The following PCDHA3 variants were observed in gnomAD, a reference collection of about 807,000 sequenced individuals.
PCDHA3 encodes the protein protocadherin alpha 3.
In PCDHA3, 41 loss-of-function variants were observed where a neutral mutation model predicts 62.2. The ratio of observed to expected loss-of-function variants is 0.66; its 90% CI spans 0.51 to 0.86. The LOEUF (loss-of-function observed/expected upper bound fraction) is 0.86. Among genes scored for constraint, PCDHA3 ranks in the 40% least tolerant of loss-of-function variants. The pLI, the probability that PCDHA3 is intolerant of heterozygous loss-of-function variation, is 0.00. For missense variants in PCDHA3, 1,304 were observed against 1,241.2 expected (o/e 1.05, Z -0.76); for synonymous variants, 640 against 555.4 (o/e 1.15, Z -2.14).
chr5:140,968,046 T>A (rs1554230254), intron 1 of PCDHA3: 2 of 1,614,072 alleles, frequency 1.2e-6, no homozygotes, highest in African/African-American at 1.3e-5. Context: ...AGCGGCCCAC[T>A]GGACCGAGAG....
At position 140,835,886 on chromosome 5, in the gene PCDHA3, G is replaced by T. The variant is rs1183512745; in HGVS notation, c.2394+32295G>T. On this transcript the variant is annotated intron_variant, in intron 1 of 3. Coordinates refer to ENST00000522353, the MANE Select transcript of PCDHA3 (RefSeq NM_018906.3). Reference sequence around the variant, plus strand: ...CGCTGGTGGAGCTGCGGGTGGGCGAGCGCGCGCTGTCGAGCTACGTGTCAG... The same window carrying T: ...CGCTGGTGGAGCTGCGGGTGGGCGATCGCGCGCTGTCGAGCTACGTGTCAG... 1 of 1,611,834 alleles carries T rather than the reference G, an allele frequency of 6.2e-7. No homozygotes were observed. Among genetic ancestry groups the T allele is most frequent in the Admixed American group, 1.7e-5 (1 of 59,978 alleles).
chr5:140,807,366 T>C (rs1763899962), intron 1 of PCDHA3: 1 of 1,608,846 alleles, frequency 6.2e-7, no homozygotes, highest in South Asian at 1.1e-5. Flanking sequence ...GCGGAGCTGG[T>C]GCCGCGCCTG....
chr5:140,946,609 G>GAA, intron 1 of PCDHA3, among the ~76,000 whole-genome samples: 1 of 68,674 alleles, frequency 1.5e-5, no homozygotes, highest in Non-Finnish European at 2.7e-5. Flanking sequence ...AAGAAAATGT[G>GAA]AAATATATAT....
At chr5:140,990,073 G>A (rs559119700) in intron 3 of PCDHA3, among the ~76,000 whole-genome samples, 6 of 152,178 alleles carry the variant, frequency 3.9e-5, no homozygotes, top group East Asian at 1.9e-4. Context: ...AAATAAGGGG[G>A]ACAAAGGATG....
chr5:140,871,060 C>T (rs782751973), intron 1 of PCDHA3: 4 of 1,613,210 alleles, frequency 2.5e-6, no homozygotes, highest in Non-Finnish European at 3.4e-6. Context: ...GGTGAAGGAT[C>T]ACGGTGAGCC....
At chr5:140,842,682 C>G in intron 1 of PCDHA3, 1 of 1,595,358 alleles carries the variant, frequency 6.3e-7, no homozygotes. Context: ...AATGCTCCGG[C>G]GTTCGCGCAG....
At chr5:140,942,913 G>T (rs1467978300) in intron 1 of PCDHA3, among the ~76,000 whole-genome samples, 1 of 148,868 alleles carries the variant, frequency 6.7e-6, no homozygotes, top group South Asian at 2.1e-4. Flanking sequence ...TAAGCGTGAA[G>T]AAAAAAAAAA....
chr5:140,886,122 C>T (rs1394228638), intron 1 of PCDHA3, among the ~76,000 whole-genome samples: 1 of 152,116 alleles, frequency 6.6e-6, no homozygotes, highest in Non-Finnish European at 1.5e-5. Context: ...AACATAGTTC[C>T]GTAACAACCA....
At chr5:140,864,245 T>C (rs1189962615) in intron 1 of PCDHA3, 1 of 152,208 alleles carries the variant, frequency 6.6e-6, no homozygotes, top group Non-Finnish European at 1.5e-5. Flanking sequence ...TTCCTATTCA[T>C]TTTCTTATTC....
rs150698374 is a variant in PCDHA3 at position 140,841,827 on chromosome 5, C to A, written c.2394+38236C>A. The A allele has an allele frequency of 1.2e-3, 1,964 of 1,613,914 alleles. 22 individuals are homozygous for A. Among genetic ancestry groups the A allele is most frequent in the Non-Finnish European group, 7.1e-4 (841 of 1,179,854 alleles). ...GATGTTGGAGCTAACTCCGTGTTAA[C>A]CTACAGGCTTAGCTCTCATGATTAC... On this transcript the variant is annotated intron_variant, in intron 1 of 3. Transcript: ENST00000522353.
chr5:140,972,499 G>A (rs1398741603), intron 1 of PCDHA3, among the ~76,000 whole-genome samples: 3 of 151,888 alleles, frequency 2.0e-5, no homozygotes, highest in South Asian at 4.2e-4. Flanking sequence ...TAATCTGTTG[G>A]TAGATTTTAC....
intron 1 of PCDHA3, chr5:140,865,859 A>T (rs1328083716): frequency 1.3e-5 from 2 of 152,318 alleles, no homozygotes; most frequent in East Asian, 3.9e-4. Context: ...CTGCTCAAAC[A>T]TGGTCTCGGC....
At chr5:140,843,344 G>T in intron 1 of PCDHA3, 1 of 1,596,078 alleles carries the variant, frequency 6.3e-7, no homozygotes, top group Non-Finnish European at 8.6e-7. Flanking sequence ...GAGCGGCCAG[G>T]CTCCAAAAGC....
intron 3 of PCDHA3, among the ~76,000 whole-genome samples, chr5:140,999,367 C>T (rs1229497053): frequency 4.6e-5 from 7 of 152,100 alleles, no homozygotes; most frequent in African/African-American, 1.7e-4. Flanking sequence ...TTCACAATCC[C>T]ATTAGATGGT....
Position 140,877,150 on chromosome 5 carries a change from G to C in PCDHA3, c.2394+73559G>C, listed in dbSNP as rs370292278. On this transcript the variant is annotated intron_variant, in intron 1 of 3. Transcript: ENST00000522353. ...GCAGGTGTTCGTGCTGGACGAGAAC[G>C]ACAACGCGCCGGCACTGCTGGCGAC... 1 of 1,613,790 alleles carries C rather than the reference G, an allele frequency of 6.2e-7. No individual in the cohort carries two copies. The highest frequency in any genetic ancestry group is 2.2e-5 in the East Asian group (1 of 44,870).
rs1765206283 is a variant in PCDHA3 at position 140,812,969 on chromosome 5, A to AT, written c.2394+9381dup. 2.0e-5 allele frequency: 3 copies of AT among 152,158 alleles called. No individual in the cohort carries two copies. The South Asian group carries it at 6.2e-4, about 32-fold the overall frequency. The allele number at this position is 152,158 out of a possible 1,614,324, so 9.4% of individuals were successfully genotyped here. A position where few individuals can be genotyped will look rare whatever the true frequency, so the allele number is the denominator to read the frequency against. ...TTTTCCAGTTTTAATTCCAGTATTG[A>AT]TTTCTAGTTTTATTCCACTGTGGTC... On this transcript the variant is annotated intron_variant, in intron 1 of 3. Coordinates refer to ENST00000522353, the MANE Select transcript of PCDHA3 (RefSeq NM_018906.3).
intron 1 of PCDHA3, chr5:140,883,589 G>A (rs782300348): frequency 1.9e-6 from 3 of 1,614,014 alleles, no homozygotes; most frequent in East Asian, 2.2e-5. Context: ...CACGGCCAGC[G>A]TGTCGGTGGG....
intron 1 of PCDHA3, among the ~76,000 whole-genome samples, chr5:140,895,474 C>T (rs947771616): frequency 2.1e-4 from 32 of 152,154 alleles, no homozygotes; most frequent in African/African-American, 7.0e-4. Flanking sequence ...TTATCCTCTT[C>T]GGAGAAATAC....
chr5:140,964,785 C>G (rs890090665), intron 1 of PCDHA3, among the ~76,000 whole-genome samples: 40 of 151,526 alleles, frequency 2.6e-4, no homozygotes, highest in African/African-American at 9.7e-4. Context: ...GAGGAAGAAG[C>G]CAGAGACCCA....
Sources: allele counts gnomAD v4.1 joint callset (sites outside exome capture counted in the v4.1 genomes callset), GRCh38; gene constraint gnomAD v4.1.1; transcripts MANE v1.5; gene names NCBI Gene and HGNC (gene_info 2026-07-23, HGNC 2026-07-21).